ATF6: variants seen among roughly 807,000 people sequenced by gnomAD.
ATF6 encodes the protein activating transcription factor 6.
Under a neutral mutation model 83.6 loss-of-function variants are expected in ATF6, and 53 were observed. That is an observed-to-expected ratio of 0.63 (90% CI 0.51 to 0.80). The LOEUF (loss-of-function observed/expected upper bound fraction) is 0.80. Ranked by LOEUF, ATF6 falls within the 30% of genes least tolerant of loss-of-function variation. The pLI is 0.00. For missense variants in ATF6, 744 were observed against 797.9 expected, an observed-to-expected ratio of 0.93 and a Z score of 0.81; for synonymous variants, 288 against 285.8, an observed-to-expected ratio of 1.01 and a Z score of -0.08.
chr1:161,770,667 T>C (rs1430196320), intron 1 of ATF6, among the ~76,000 whole-genome samples: 1 of 152,248 alleles, frequency 6.6e-6, no homozygotes, highest in Non-Finnish European at 1.5e-5. Flanking sequence ...GGCTTCAACA[T>C]ACGAATTTTG....
At chr1:161,947,424 C>G (rs754508372) in intron 15 of ATF6, among the ~76,000 whole-genome samples, 2 of 152,164 alleles carry the variant, frequency 1.3e-5, no homozygotes, top group African/African-American at 2.4e-5. Flanking sequence ...CGGATTCTTG[C>G]TCAAACTGGA....
chr1:161,791,538 GT>G lies in ATF6; in HGVS notation c.484+2del. 6.3e-7 allele frequency: 1 copy of G among 1,599,480 alleles called. No individual in the cohort carries two copies. The highest frequency in any genetic ancestry group is 8.5e-7 in the Non-Finnish European group (1 of 1,176,690). ...GTCACTGGTCCTAGGAACAAGACTG[GT>G]ATTACTCTATCTCCTAACTTCTGTT... On this transcript the variant is annotated splice_donor_variant, in intron 5 of 15. Transcript: ENST00000367942. LOFTEE classifies it high-confidence loss of function.
intron 7 of ATF6, among the ~76,000 whole-genome samples, chr1:161,805,985 T>G (rs1356810615): frequency 6.6e-6 from 1 of 152,226 alleles, no homozygotes; most frequent in African/African-American, 2.4e-5. Context: ...TGCCACATTT[T>G]CTGTTATGAA....
intron 14 of ATF6, among the ~76,000 whole-genome samples, chr1:161,873,063 A>G (rs1687149874): frequency 6.6e-6 from 1 of 151,598 alleles, no homozygotes; most frequent in Admixed American, 6.6e-5. Flanking sequence ...AAGTAAAAGC[A>G]TGGAGAAAGT....
chr1:161,908,995 T>G (rs1276394183), intron 14 of ATF6, among the ~76,000 whole-genome samples: 1 of 152,212 alleles, frequency 6.6e-6, no homozygotes, highest in Non-Finnish European at 1.5e-5. Context: ...AATTAACCAT[T>G]ATGGAGATTC....
intron 6 of ATF6, 36 bp downstream of exon 6, chr1:161,792,363 T>G (rs369291362): frequency 1.4e-5 from 22 of 1,572,242 alleles, no homozygotes; most frequent in Non-Finnish European, 1.8e-5. Flanking sequence ...GTAAATTTAT[T>G]TGGAGGGCAG....
chr1:161,906,781 T>C (rs937698743), intron 14 of ATF6, among the ~76,000 whole-genome samples: 16 of 152,358 alleles, frequency 1.1e-4, no homozygotes, highest in Non-Finnish European at 1.9e-4. Flanking sequence ...GCAAGCTTTA[T>C]ATTTCCTTTT....
At chr1:161,804,278 A>C (rs138950133) in intron 7 of ATF6, among the ~76,000 whole-genome samples, 7 of 152,250 alleles carry the variant, frequency 4.6e-5, no homozygotes, top group Non-Finnish European at 7.4e-5. Context: ...TATTTTAGAC[A>C]TGAAAAAAAG....
chr1:161,774,155 A>C (rs1571116858), intron 1 of ATF6, among the ~76,000 whole-genome samples: 1 of 152,310 alleles, frequency 6.6e-6, no homozygotes, highest in Middle Eastern at 3.4e-3. Context: ...TTATACTTCA[A>C]AGCTAACATC....
chr1:161,851,132 T>A (rs1303049136), intron 10 of ATF6, among the ~76,000 whole-genome samples: 1 of 128,316 alleles, frequency 7.8e-6, no homozygotes. Flanking sequence ...TCTCACCCTA[T>A]CCTTAACATA....
rs1006358312 is a variant in ATF6 at position 161,899,805 on chromosome 1, A to G, written c.1720-12491A>G. ...CACAGAGTTATTGAACCTATGACCT[A>G]TATATTCCACAGCTTACTTCAATGC... On this transcript the variant is annotated intron_variant, in intron 14 of 15. Transcript: ENST00000367942. Among the ~76,000 whole-genome samples, 6 of 152,262 alleles carry G rather than the reference A, an allele frequency of 3.9e-5. No homozygotes were observed. The East Asian group carries it at 7.7e-4, about 20-fold the overall frequency.
intron 7 of ATF6, 107 bp from the exon 8 acceptor site, chr1:161,819,526 C>T: frequency 1.1e-6 from 1 of 875,966 alleles, no homozygotes; most frequent in Non-Finnish European, 1.6e-6. Context: ...GTAACCTATG[C>T]TTTGAAAAAA....
At chr1:161,870,221 TGTTA>T (rs1412017820) in intron 14 of ATF6, among the ~76,000 whole-genome samples, 3 of 151,866 alleles carry the variant, frequency 2.0e-5, no homozygotes, top group African/African-American at 4.8e-5. Flanking sequence ...TATGTTTGTT[TGTTA>T]ATTACCTGTT....
Position 161,802,175 on chromosome 1 carries a change from A to G in ATF6, c.812A>G (p.Asn271Ser). 1 of 1,614,074 alleles carries G rather than the reference A, an allele frequency of 6.2e-7. No individual in the cohort carries two copies. The highest frequency in any genetic ancestry group is 8.5e-7 in the Non-Finnish European group (1 of 1,180,002). ...ACACAGCTCCCTAATCACGTGGTGA[A>G]TGTGGTACCAGCCCCTTCAGCGAAT... Reference protein sequence around the residue: ...GVTQLPNHVVNVVPAPSANSP... With the variant: ...GVTQLPNHVVSVVPAPSANSP... Residue 271 changes from asparagine (N) to serine (S), a missense_variant, in exon 7 of 16, where the codon AAT becomes AGT. Asn to Ser is a conservative substitution (Grantham distance 46). Transcript: ENST00000367942.
intron 15 of ATF6, among the ~76,000 whole-genome samples, chr1:161,917,792 G>A (rs1484711118): frequency 1.3e-5 from 2 of 152,176 alleles, no homozygotes; most frequent in Admixed American, 6.5e-5. Context: ...AAAGGGTCAG[G>A]TGTGGATTTT....
intron 1 of ATF6, among the ~76,000 whole-genome samples, chr1:161,767,130 A>T (rs919436254): frequency 6.6e-6 from 1 of 152,162 alleles, no homozygotes; most frequent in African/African-American, 2.4e-5. Context: ...TATTTAGAGG[A>T]GACTTTTATT....
At chr1:161,802,612 A>C (rs1181310958) in intron 7 of ATF6, among the ~76,000 whole-genome samples, 2 of 152,154 alleles carry the variant, frequency 1.3e-5, no homozygotes, top group East Asian at 3.8e-4. Context: ...TATTTTACAG[A>C]TTCAACGTTT....
intron 2 of ATF6, 77 bp from the exon 3 acceptor site, chr1:161,781,835 A>T: frequency 1.0e-6 from 1 of 964,248 alleles, no homozygotes. Context: ...TTTGTGCCAA[A>T]TTGTGTCTCA....
At chr1:161,853,445 C>G (rs1218084406) in intron 12 of ATF6, 122 bp downstream of exon 12, 1 of 722,266 alleles carries the variant, frequency 1.4e-6, no homozygotes, top group Non-Finnish European at 2.4e-6. Context: ...CCACTGTCTC[C>G]TGCTGCTTCC....
Sources: gnomAD v4.1 joint callset for allele counts (sites outside exome capture counted in the v4.1 genomes callset) on GRCh38, gnomAD v4.1.1 for gene constraint, MANE v1.5 for transcripts, NCBI Gene and HGNC (gene_info 2026-07-23, HGNC 2026-07-21) for gene names.